The following CCDC85A variants were observed in gnomAD, a reference collection of about 807,000 sequenced individuals.
CCDC85A encodes coiled-coil domain-containing protein 85A.
In CCDC85A, 38 loss-of-function variants were observed where a neutral mutation model predicts 50.2. The observed-to-expected ratio is 0.76, with a 90% CI of 0.58 to 0.99. The LOEUF (loss-of-function observed/expected upper bound fraction) is 0.99, where lower values mean the gene tolerates loss of function less well. Among genes scored for constraint, CCDC85A ranks in the 50% least tolerant of loss-of-function variants. CCDC85A has a pLI of 0.00. For missense variants in CCDC85A, 820 were observed against 742.0 expected (o/e 1.11, Z -1.22); for synonymous variants, 366 against 301.4 (o/e 1.21, Z -2.22).
At chr2:56,332,457 C>T (rs972400370) in intron 2 of CCDC85A, among the ~76,000 whole-genome samples, 22 of 152,170 alleles carry the variant, frequency 1.4e-4, no homozygotes, top group Admixed American at 5.2e-4. Flanking sequence ...TTTCAAGACT[C>T]TTTTATAAAG....
At chr2:56,200,322 C>G (rs1676682906) in intron 2 of CCDC85A, among the ~76,000 whole-genome samples, 2 of 152,170 alleles carry the variant, frequency 1.3e-5, no homozygotes, top group Admixed American at 6.5e-5. Flanking sequence ...GAGCATTGAG[C>G]ATATTTGGAA....
intron 2 of CCDC85A, among the ~76,000 whole-genome samples, chr2:56,227,524 C>T (rs914379759): frequency 3.9e-5 from 6 of 152,118 alleles, no homozygotes; most frequent in East Asian, 1.9e-4. Flanking sequence ...TTTGTCCTTT[C>T]GGGCTACGTA....
At chr2:56,340,444 T>G (rs1210980481) in intron 2 of CCDC85A, among the ~76,000 whole-genome samples, 1 of 152,142 alleles carries the variant, frequency 6.6e-6, no homozygotes, top group Non-Finnish European at 1.5e-5. Context: ...GCTTCAATAT[T>G]AACTATGGAA....
intron 2 of CCDC85A, among the ~76,000 whole-genome samples, chr2:56,329,945 G>GTTTTTTTTTTTTTTTTTTTTTTTT (rs535050957): frequency 1.1e-4 from 5 of 44,162 alleles, no homozygotes; most frequent in African/African-American, 2.1e-4. Context: ...CAGATTTCCT[G>GTTTTTTTTTTTTTTTTTTTTTTTT]TTTTTTTTTT....
At chr2:56,266,165 A>G (rs1284360493) in intron 2 of CCDC85A, among the ~76,000 whole-genome samples, 2 of 152,216 alleles carry the variant, frequency 1.3e-5, no homozygotes, top group African/African-American at 2.4e-5. Context: ...GGGTGGGGAA[A>G]GGGGAAATGT....
intron 1 of CCDC85A, among the ~76,000 whole-genome samples, chr2:56,187,124 A>T (rs1395069054): frequency 6.6e-6 from 1 of 152,106 alleles, no homozygotes; most frequent in African/African-American, 2.4e-5. Flanking sequence ...AGTAATCCAT[A>T]AATGTGGTTG....
intron 2 of CCDC85A, among the ~76,000 whole-genome samples, chr2:56,280,710 G>T (rs1671168715): frequency 6.6e-6 from 1 of 152,100 alleles, no homozygotes; most frequent in African/African-American, 2.4e-5. Flanking sequence ...AAAAAACAAT[G>T]AGGTGGAGGT....
chr2:56,318,607 G>T (rs893350796), intron 2 of CCDC85A, among the ~76,000 whole-genome samples: 5 of 151,894 alleles, frequency 3.3e-5, no homozygotes, highest in Admixed American at 2.0e-4. Context: ...TAAATATACT[G>T]TTTATTGATG....
At position 56,193,120 on chromosome 2, in the gene CCDC85A, A is replaced by G. The variant is rs1045637334; in HGVS notation, c.920A>G (p.Lys307Arg). ...GGGAGCAGCCCCGAAACGCTGCCCAAGCACGTGCTGAGTGGGAGCCCGGAA... is the reference window on the plus strand; with the variant it reads ...GGGAGCAGCCCCGAAACGCTGCCCAGGCACGTGCTGAGTGGGAGCCCGGAA... Reference protein sequence around the residue: ...HPGSSPETLPKHVLSGSPEHF... With the variant: ...HPGSSPETLPRHVLSGSPEHF... Residue 307 changes from lysine (K) to arginine (R), a missense_variant, in exon 2 of 6, where the codon AAG (lysine) becomes AGG (arginine). By Grantham distance (26) the Lys-to-Arg change is conservative (BLOSUM62 2). Transcript: ENST00000407595. 9 of 1,613,858 alleles carry G rather than the reference A, an allele frequency of 5.6e-6. No homozygotes were observed. The highest frequency in any genetic ancestry group is 4.4e-5 in the South Asian group (4 of 91,064).
intron 3 of CCDC85A, among the ~76,000 whole-genome samples, chr2:56,360,954 T>C (rs1013265036): frequency 2.0e-5 from 3 of 152,194 alleles, no homozygotes; most frequent in African/African-American, 7.2e-5. Context: ...AAAACATCCC[T>C]TAAAAATAGG....
At chr2:56,259,533 A>G (rs938590780) in intron 2 of CCDC85A, among the ~76,000 whole-genome samples, 6 of 151,764 alleles carry the variant, frequency 4.0e-5, no homozygotes, top group African/African-American at 1.5e-4. Context: ...ATGCTTCTGT[A>G]CTCCTGGGTC....
intron 2 of CCDC85A, among the ~76,000 whole-genome samples, chr2:56,289,092 T>C (rs886314170): frequency 6.6e-6 from 1 of 152,150 alleles, no homozygotes; most frequent in Non-Finnish European, 1.5e-5. Flanking sequence ...GCCCAAGCTG[T>C]AGTTAGCATG....
At chr2:56,358,033 G>A (rs1464039573) in intron 3 of CCDC85A, among the ~76,000 whole-genome samples, 1 of 152,106 alleles carries the variant, frequency 6.6e-6, no homozygotes, top group Admixed American at 6.5e-5. Context: ...GACAGGGCAA[G>A]GTTTGTGTCC....
At chr2:56,279,107 T>C (rs540385398) in intron 2 of CCDC85A, among the ~76,000 whole-genome samples, 5 of 152,298 alleles carry the variant, frequency 3.3e-5, no homozygotes, top group Admixed American at 3.3e-4. Flanking sequence ...TGTGTCTGTA[T>C]CCTTGTTAGC....
intron 2 of CCDC85A, among the ~76,000 whole-genome samples, chr2:56,300,747 AGG>A (rs1672165469): frequency 6.6e-6 from 1 of 152,222 alleles, no homozygotes; most frequent in Non-Finnish European, 1.5e-5. Flanking sequence ...TGATAAAAAC[AGG>A]TAGCAGTCTT....
intron 2 of CCDC85A, among the ~76,000 whole-genome samples, chr2:56,321,743 A>G (rs187609929): frequency 6.6e-6 from 1 of 152,316 alleles, no homozygotes; most frequent in Admixed American, 6.5e-5. Context: ...ATTCAATTCC[A>G]TCCCCATCAT....
chr2:56,244,561 A>G (rs1022923029), intron 2 of CCDC85A, among the ~76,000 whole-genome samples: 1 of 151,424 alleles, frequency 6.6e-6, no homozygotes, highest in Non-Finnish European at 1.5e-5. Context: ...CCTCTCCCCT[A>G]CTGTGGATAA....
chr2:56,304,952 A>G (rs572860618), intron 2 of CCDC85A, among the ~76,000 whole-genome samples: 70 of 151,478 alleles, frequency 4.6e-4, no homozygotes, highest in Non-Finnish European at 8.1e-4. Context: ...ACAAAAAAAA[A>G]AAAACCTGGG....
chr2:56,385,824 T>A lies in CCDC85A; in HGVS notation c.*1469T>A. The stretch of plus-strand genomic sequence containing the variant: ...TGAATTAATTTACTATAGAATTATC[T>A]CTCTAATTATCATAATTGGGTTACA... On this transcript the variant is annotated 3_prime_UTR_variant, in exon 6 of 6. Transcript: ENST00000407595. 6.6e-6 allele frequency: 1 copy of A among 151,742 alleles called. No homozygotes were observed. Among genetic ancestry groups the A allele is most frequent in the East Asian group, 1.9e-4 (1 of 5,158 alleles). 9.4% of individuals were successfully genotyped at this position (151,742 alleles called of 1,614,324 possible). A position where few individuals can be genotyped will look rare whatever the true frequency, so the allele number is the denominator to read the frequency against.
Sources: gnomAD v4.1 joint callset for allele counts (sites outside exome capture counted in the v4.1 genomes callset) on GRCh38, gnomAD v4.1.1 for gene constraint, MANE v1.5 for transcripts, NCBI Gene and HGNC (gene_info 2026-07-23, HGNC 2026-07-21) for gene names.